Variants in IL2RB observed in about 807,000 individuals in gnomAD.
IL2RB encodes interleukin-2 receptor subunit beta.
Under a neutral mutation model 44.2 loss-of-function variants are expected in IL2RB, and 17 were observed. The ratio of observed to expected loss-of-function variants is 0.38; its 90% CI spans 0.26 to 0.58. IL2RB has a LOEUF of 0.58. IL2RB is among the 20% of genes least tolerant of loss of function. The pLI, the probability that IL2RB is intolerant of heterozygous loss-of-function variation, is 0.63. For synonymous variants in IL2RB, 286 were observed against 297.9 expected (o/e 0.96, Z 0.41); for missense variants, 624 against 685.5 (o/e 0.91, Z 1.00).
At chr22:37,143,262 C>A (rs1601602870) in intron 3 of IL2RB, among the ~76,000 whole-genome samples, 2 of 152,240 alleles carry the variant, frequency 1.3e-5, no homozygotes, top group South Asian at 4.1e-4. Context: ...CCCCAAACTA[C>A]CCTGTCCAGT....
intron 1 of IL2RB, among the ~76,000 whole-genome samples, chr22:37,171,677 T>C (rs1461893610): frequency 1.3e-5 from 2 of 152,218 alleles, no homozygotes; most frequent in Non-Finnish European, 2.9e-5. Flanking sequence ...CCCTGAAATG[T>C]GCCACATGAT....
chr22:37,168,808 G>C (rs1011833408), intron 1 of IL2RB, among the ~76,000 whole-genome samples: 3 of 152,206 alleles, frequency 2.0e-5, no homozygotes, highest in African/African-American at 7.2e-5. Context: ...TATCACCAGA[G>C]CCTAATATTT....
Position 37,142,586 on chromosome 22 carries a change from T to C in IL2RB, c.204-74A>G, listed in dbSNP as rs950558831. The C allele has an allele frequency of 2.1e-6, 3 of 1,453,862 alleles. No individual in the cohort carries two copies. In the African/African-American group the frequency reaches 4.2e-5, roughly 20 times the overall value. 90.1% of individuals were successfully genotyped at this position (1,453,862 alleles called of 1,614,324 possible). A position where few individuals can be genotyped will look rare whatever the true frequency, so the allele number is the denominator to read the frequency against. On this transcript the variant is annotated intron_variant, in intron 3 of 9. Coordinates refer to ENST00000216223, the MANE Select transcript of IL2RB (RefSeq NM_000878.5). Reference sequence around the variant, plus strand: ...GCTGGCCCAAGGGACTCTTCTCAGATCTCTCTGCTGCCAGGATGGCACCAG... The same window carrying C: ...GCTGGCCCAAGGGACTCTTCTCAGACCTCTCTGCTGCCAGGATGGCACCAG...
In IL2RB at chr22:37,128,559, C is replaced by T; in HGVS notation, c.1193G>A (p.Gly398Glu). The T allele has an allele frequency of 6.2e-7, 1 of 1,613,830 alleles. No individual in the cohort carries two copies. The highest frequency in any genetic ancestry group is 8.5e-7 in the Non-Finnish European group (1 of 1,179,806). Residue 398 changes from glycine (G) to glutamate (E), a missense_variant, in exon 10 of 10, where the codon GGG (glycine) becomes GAG (glutamate). By Grantham distance (98) the Gly-to-Glu change is moderately conservative. Around this residue, in one of 3 missense-constraint regions of IL2RB, gnomAD observed 291 missense variants for 275.5 expected, o/e 1.06. Coordinates refer to ENST00000216223, the MANE Select transcript of IL2RB (RefSeq NM_000878.5). The surrounding 1 kb of genome is among the most constrained non-coding windows in gnomAD (Gnocchi z 4.5). Reference protein sequence around the residue: ...SEEDPDEGVAGAPTGSSPQPL... With the variant: ...SEEDPDEGVAEAPTGSSPQPL... Reference sequence around the variant, plus strand: ...TTGGGGGGAAGACCCTGTGGGTGCCCCGGCCACACCCTCATCAGGGTCTTC... The same window carrying T: ...TTGGGGGGAAGACCCTGTGGGTGCCTCGGCCACACCCTCATCAGGGTCTTC...
chr22:37,157,223 G>A (rs906500687), intron 1 of IL2RB, among the ~76,000 whole-genome samples: 3 of 152,160 alleles, frequency 2.0e-5, no homozygotes, highest in East Asian at 1.9e-4. Flanking sequence ...GCTGTCCTCC[G>A]AGCATGCCCC....
At chr22:37,166,427 G>A (rs12171227) in intron 1 of IL2RB, among the ~76,000 whole-genome samples, 29,107 of 152,176 alleles carry the variant, frequency 0.19, 3,009 homozygotes, top group East Asian at 0.33. Context: ...GCATTCAACC[G>A]TTGAACCCTC....
chr22:37,162,872 C>G (rs1469580184), intron 1 of IL2RB, among the ~76,000 whole-genome samples: 4 of 152,068 alleles, frequency 2.6e-5, no homozygotes, highest in African/African-American at 9.7e-5. Context: ...ACACTCTGCC[C>G]AGCAGCCAAA....
upstream of IL2RB, among the ~76,000 whole-genome samples, chr22:37,151,148 C>A (rs1464184068): frequency 6.6e-6 from 1 of 152,304 alleles, no homozygotes; most frequent in South Asian, 2.1e-4. Context: ...GAGGACTCTT[C>A]AAACTGTTCT....
intron 1 of IL2RB, among the ~76,000 whole-genome samples, chr22:37,156,791 C>T (rs1922694641): frequency 6.6e-6 from 1 of 152,200 alleles, no homozygotes; most frequent in South Asian, 2.1e-4. Context: ...CATTCACTGT[C>T]TCTGCCACCG....
upstream of IL2RB, among the ~76,000 whole-genome samples, chr22:37,150,367 G>C (rs1209375855): frequency 6.6e-6 from 1 of 152,080 alleles, no homozygotes; most frequent in African/African-American, 2.4e-5. Context: ...ATCTTTCCGA[G>C]ACTCCCATTT....
At chr22:37,150,015 G>C, upstream of IL2RB, 1 of 650,640 alleles carries the variant, frequency 1.5e-6, no homozygotes, top group Middle Eastern at 7.8e-4. Context: ...GGGAGACGAG[G>C]CTTATGAGAA....
intron 1 of IL2RB, chr22:37,174,876 T>G (rs906063394): frequency 2.6e-5 from 4 of 152,210 alleles, no homozygotes; most frequent in African/African-American, 9.7e-5. Context: ...GGAAGCTGGC[T>G]GTATTAGTTC....
At chr22:37,147,682 GC>G (rs1208965317) in intron 1 of IL2RB, among the ~76,000 whole-genome samples, 1 of 152,196 alleles carries the variant, frequency 6.6e-6, no homozygotes, top group Non-Finnish European at 1.5e-5. Flanking sequence ...AGGTAAGGCT[GC>G]CACCCTCTCT....
At chr22:37,148,375 G>A (rs1001418065) in intron 1 of IL2RB, among the ~76,000 whole-genome samples, 5 of 152,268 alleles carry the variant, frequency 3.3e-5, no homozygotes, top group South Asian at 2.1e-4. Flanking sequence ...GCCCAGCCTC[G>A]GGTGACAGCA....
rs780474008 is a variant in IL2RB at position 37,128,441 on chromosome 22, G to T, written c.1311C>A (p.Gly437=). 26 of 1,544,412 alleles carry T rather than the reference G, an allele frequency of 1.7e-5. No individual in the cohort carries two copies. The highest frequency in any genetic ancestry group is 2.3e-5 in the Non-Finnish European group (26 of 1,143,782). ...LLLFSPSLLG[G]PSPPSTAPGG... is the part of the protein sequence containing the mutation. ...CAGGGGCAGTGCTTGGGGGGCTGGG[G>T]CCACCGAGGAGACTGGGGGAGAAGA... The change falls in exon 10 of 10, where the codon GGC becomes GGA. Residue 437 remains glycine, a synonymous_variant. Transcript: ENST00000216223. The surrounding 1 kb of genome is among the most constrained non-coding windows in gnomAD (Gnocchi z 4.5).
rs200697945 is a variant in IL2RB at position 37,137,743 on chromosome 22, C to T, written c.389-8G>A. 6.8e-5 allele frequency: 110 copies of T among 1,613,048 alleles called. No homozygotes were observed. In the East Asian group the frequency reaches 2.4e-3, roughly 35 times the overall value. On this transcript the variant is annotated splice_polypyrimidine_tract_variant and splice_region_variant and intron_variant, in intron 5 of 9. Transcript: ENST00000216223. The stretch of plus-strand genomic sequence containing the variant: ...TGGGGGCCATCAGGCGAACTGGAGA[C>T]AACAGGGGGTAGGGGAGAGCAGTCA...
chr22:37,170,711 C>T (rs1332972610), intron 1 of IL2RB, among the ~76,000 whole-genome samples: 1 of 152,220 alleles, frequency 6.6e-6, no homozygotes, highest in Non-Finnish European at 1.5e-5. Context: ...CTGCACGGGC[C>T]ACACACACTT....
At chr22:37,142,358 G>A (rs563792726) in intron 4 of IL2RB, 76 bp downstream of exon 4, 26 of 1,368,356 alleles carry the variant, frequency 1.9e-5, no homozygotes, top group Admixed American at 1.2e-4. Context: ...CCTGGCATCC[G>A]GCCCACCCTG....
chr22:37,136,992 C>A (rs1480164773), intron 6 of IL2RB, among the ~76,000 whole-genome samples: 1 of 152,188 alleles, frequency 6.6e-6, no homozygotes, highest in Non-Finnish European at 1.5e-5. Context: ...AAATTCCTTG[C>A]CCCGTTGGGT....
Sources: allele counts gnomAD v4.1 joint callset (sites outside exome capture counted in the v4.1 genomes callset), GRCh38; gene constraint gnomAD v4.1.1; regional missense constraint gnomAD v4.1.1; non-coding constraint Gnocchi (gnomAD v3.1); transcripts MANE v1.5; gene names NCBI Gene and HGNC (gene_info 2026-07-23, HGNC 2026-07-21).